The following INTS7 variants were observed in gnomAD, a reference collection of about 807,000 sequenced individuals.
The protein encoded by INTS7 is chromosome 1 open reading frame 73.
A neutral mutation model predicts 109.2 loss-of-function variants in INTS7; 46 were observed. The observed-to-expected ratio is 0.42, with a 90% CI of 0.33 to 0.54. The LOEUF is 0.54. Among genes scored for constraint, INTS7 ranks in the 20% least tolerant of loss-of-function variants. The pLI, the probability that INTS7 is intolerant of heterozygous loss-of-function variation, is 0.07. For missense variants in INTS7, 929 were observed against 1,132.4 expected (o/e 0.82, Z 2.58); for synonymous variants, 412 against 402.9 (o/e 1.02, Z -0.27).
At chr1:211,957,763 G>T (rs975663654) in intron 16 of INTS7, among the ~76,000 whole-genome samples, 2 of 152,022 alleles carry the variant, frequency 1.3e-5, no homozygotes, top group Admixed American at 1.3e-4. Context: ...TGTGTCCTAA[G>T]AAATCATGAC....
At chr1:212,023,593 T>C (rs960049071) in intron 1 of INTS7, among the ~76,000 whole-genome samples, 1 of 152,174 alleles carries the variant, frequency 6.6e-6, no homozygotes, top group African/African-American at 2.4e-5. Flanking sequence ...TTTAATAGGG[T>C]TATTTGGTTT....
chr1:212,027,887 C>T (rs759934083), intron 1 of INTS7, among the ~76,000 whole-genome samples: 6 of 151,922 alleles, frequency 3.9e-5, no homozygotes, highest in East Asian at 3.9e-4. Context: ...AGTGCAGTGG[C>T]GCAATCTCAG....
chr1:211,977,109 A>G (rs1270765660), intron 11 of INTS7, among the ~76,000 whole-genome samples: 1 of 152,208 alleles, frequency 6.6e-6, no homozygotes, highest in Non-Finnish European at 1.5e-5. Context: ...AATATGCAAA[A>G]TACTGCATAT....
At chr1:211,968,252 T>C (rs1030659481) in intron 14 of INTS7, among the ~76,000 whole-genome samples, 6 of 152,216 alleles carry the variant, frequency 3.9e-5, no homozygotes. Flanking sequence ...ACTAAAATAA[T>C]TTAGTTATAA....
chr1:211,946,721 A>C lies in INTS7; in HGVS notation c.2317-16T>G, dbSNP rs367967007. The C allele has an allele frequency of 6.6e-5, 103 of 1,557,504 alleles. No homozygotes were observed. In the African/African-American group the frequency reaches 1.2e-3, roughly 18 times the overall value. ...ATGCTGTGTGCTGGGGGAAAAAAGA[A>C]ACTAAATCAAATAAAAATAAATTTT... On this transcript the variant is annotated splice_polypyrimidine_tract_variant and intron_variant, in intron 17 of 19. Transcript: ENST00000366994. This position sits in a 1 kb window ranked among gnomAD's most constrained non-coding sequence, Gnocchi z 4.3.
chr1:211,979,951 C>A (rs1184903861), intron 10 of INTS7, among the ~76,000 whole-genome samples: 1 of 152,114 alleles, frequency 6.6e-6, no homozygotes, highest in African/African-American at 2.4e-5. Flanking sequence ...GTATTATAGT[C>A]CCCTATATAA....
intron 11 of INTS7, 137 bp from the exon 12 acceptor site, chr1:211,976,856 A>T: frequency 1.4e-6 from 1 of 738,496 alleles, no homozygotes. Context: ...ACATTTATTT[A>T]ATTTTTTATT....
chr1:211,957,415 G>A (rs1414812816), intron 16 of INTS7, among the ~76,000 whole-genome samples: 2 of 152,042 alleles, frequency 1.3e-5, no homozygotes, highest in Non-Finnish European at 2.9e-5. Flanking sequence ...GCATGGTGAC[G>A]CATGTCTGTA....
At chr1:212,022,514 A>G (rs1005580263) in intron 1 of INTS7, among the ~76,000 whole-genome samples, 4 of 150,942 alleles carry the variant, frequency 2.7e-5, no homozygotes, top group African/African-American at 7.2e-5. Context: ...AGAAATATGT[A>G]TGGCAAATAT....
Position 211,952,713 on chromosome 1 carries a change from G to C in INTS7, c.2184-12C>G. 6.2e-7 allele frequency: 1 copy of C among 1,608,246 alleles called. No homozygotes were observed. Among genetic ancestry groups the C allele is most frequent in the Non-Finnish European group, 8.5e-7 (1 of 1,176,194 alleles). On this transcript the variant is annotated splice_polypyrimidine_tract_variant and intron_variant, in intron 16 of 19. Coordinates refer to ENST00000366994, the MANE Select transcript of INTS7 (RefSeq NM_015434.4). ...CATATTCCTGGAAACTGAAGTAAAG[G>C]TCAATATTCATTAATCCATCAAAAT...
Position 211,981,203 on chromosome 1 carries a change from C to T in INTS7, c.1133-13G>A. The T allele has an allele frequency of 6.4e-7, 1 of 1,558,992 alleles. No individual in the cohort carries two copies. Among genetic ancestry groups the T allele is most frequent in the South Asian group, 1.1e-5 (1 of 89,824 alleles). On this transcript the variant is annotated splice_polypyrimidine_tract_variant and intron_variant, in intron 9 of 19. Transcript: ENST00000366994. The stretch of plus-strand genomic sequence containing the variant: ...AGTGCCAAAAGATCTAGAAGAAAAA[C>T]AGTAAACTTTATGATGGTCAAGTGA...
chr1:211,975,052 C>T (rs1664358452), intron 13 of INTS7, 114 bp downstream of exon 13: 1 of 701,016 alleles, frequency 1.4e-6, no homozygotes, highest in South Asian at 1.8e-5. Flanking sequence ...ATTTCCATGA[C>T]CTATTTCATA....
At chr1:211,983,534 C>T (rs1308646811) in intron 8 of INTS7, among the ~76,000 whole-genome samples, 2 of 152,142 alleles carry the variant, frequency 1.3e-5, no homozygotes. Flanking sequence ...AGTAGAGAAG[C>T]CCTCAGTTAT....
rs747700090 is a variant in INTS7, at chr1:211,988,006, G to A, written c.880-3C>T. The A allele has an allele frequency of 2.1e-6, 3 of 1,452,044 alleles. No individual in the cohort carries two copies. The Admixed American group carries it at 5.2e-5, about 25-fold the overall frequency. 89.9% of individuals were successfully genotyped at this position (1,452,044 alleles called of 1,614,324 possible). A position where few individuals can be genotyped will look rare whatever the true frequency, so the allele number is the denominator to read the frequency against. On this transcript the variant is annotated splice_region_variant and splice_polypyrimidine_tract_variant and intron_variant, in intron 7 of 19. Transcript: ENST00000366994. ...TGGAGGGCACACTCACAAAGTGCCT[G>A]GAATGCAGAAGAGAAATGAATATAG...
At chr1:211,954,421 T>C (rs912584467) in intron 16 of INTS7, among the ~76,000 whole-genome samples, 1 of 152,244 alleles carries the variant, frequency 6.6e-6, no homozygotes, top group African/African-American at 2.4e-5. Flanking sequence ...TTTGTGAATT[T>C]TGGCTTTTGT....
At chr1:212,014,384 G>T (rs1666303564) in intron 4 of INTS7, among the ~76,000 whole-genome samples, 1 of 135,176 alleles carries the variant, frequency 7.4e-6, no homozygotes, top group Non-Finnish European at 1.5e-5. Context: ...AGAATCACTT[G>T]AACCTGGGAG....
In INTS7 at chr1:211,941,601, AC is replaced by A. The variant is rs1328781839; in HGVS notation, c.*222del. 1.7e-6 allele frequency: 1 copy of A among 576,204 alleles called. No individual in the cohort carries two copies. The highest frequency in any genetic ancestry group is 3.0e-6 in the Non-Finnish European group (1 of 332,354). The allele number at this position is 576,204 out of a possible 1,614,324, so 35.7% of individuals were successfully genotyped here. On this transcript the variant is annotated 3_prime_UTR_variant, in exon 20 of 20. Transcript: ENST00000366994. Reference sequence around the variant, plus strand: ...GTCTTGATCTCCTCGTGAGCCGCCCACCTCAGCCTCCCAAAGTGCTGGGATT... The same window carrying A: ...GTCTTGATCTCCTCGTGAGCCGCCCACTCAGCCTCCCAAAGTGCTGGGATT...
intron 7 of INTS7, among the ~76,000 whole-genome samples, chr1:211,991,935 C>T (rs1470650697): frequency 6.6e-6 from 1 of 152,062 alleles, no homozygotes; most frequent in East Asian, 1.9e-4. Flanking sequence ...ATGTAAAGTG[C>T]CTAAGCACAG....
In INTS7 at chr1:211,968,539, G is replaced by A. The variant is rs773820212; in HGVS notation, c.1984C>T (p.Gln662Ter). 6.2e-7 allele frequency: 1 copy of A among 1,613,952 alleles called. No individual in the cohort carries two copies. Among genetic ancestry groups the A allele is most frequent in the Non-Finnish European group, 8.5e-7 (1 of 1,179,892 alleles). The change falls in exon 14 of 20, where the codon CAG becomes TAG. Residue 662 changes from glutamine to a stop codon, truncating the protein, a stop_gained. Coordinates refer to ENST00000366994, the MANE Select transcript of INTS7 (RefSeq NM_015434.4). LOFTEE classifies it high-confidence loss of function. ...TIAMTLGNDL[Q>*]RCGRISNQMK... Reference sequence around the variant, plus strand: ...TGATTGGAGATGCGACCACACCTCTGGAGGTCATTTCCTAAGGTCATGGCA... The same window carrying A: ...TGATTGGAGATGCGACCACACCTCTAGAGGTCATTTCCTAAGGTCATGGCA...
Sources: gnomAD v4.1 joint callset for allele counts (sites outside exome capture counted in the v4.1 genomes callset) on GRCh38, gnomAD v4.1.1 for gene constraint, Gnocchi (gnomAD v3.1) non-coding constraint, MANE v1.5 for transcripts, NCBI Gene and HGNC (gene_info 2026-07-23, HGNC 2026-07-21) for gene names.